HIPK2: variants seen among roughly 807,000 people sequenced by gnomAD.
HIPK2 encodes the protein homeodomain interacting protein kinase 2.
In HIPK2, 27 loss-of-function variants were observed where a neutral mutation model predicts 113.7. The ratio of observed to expected loss-of-function variants is 0.24; its 90% CI spans 0.17 to 0.33. The LOEUF is 0.33. HIPK2 is among the 10% of genes least tolerant of loss of function. HIPK2 has a pLI of 1.00. For missense variants in HIPK2, 1,257 were observed against 1,588.0 expected, an observed-to-expected ratio of 0.79 and a Z score of 3.54; for synonymous variants, 631 against 642.2, an observed-to-expected ratio of 0.98 and a Z score of 0.26.
At chr7:139,651,398 C>T (rs777578406) in intron 2 of HIPK2, among the ~76,000 whole-genome samples, 5 of 152,212 alleles carry the variant, frequency 3.3e-5, no homozygotes, top group Non-Finnish European at 5.9e-5. Context: ...ATTTAGAACT[C>T]AGGTGATATT....
In HIPK2 at chr7:139,563,018, A is replaced by C. The variant is rs970562826; in HGVS notation, c.*9909T>G. 6.6e-6 allele frequency: 1 copy of C among 152,170 alleles called. No homozygotes were observed. The highest frequency in any genetic ancestry group is 2.4e-5 in the African/African-American group (1 of 41,398). 9.4% of individuals were successfully genotyped at this position (152,170 alleles called of 1,614,324 possible). On this transcript the variant is annotated 3_prime_UTR_variant, in exon 15 of 15. Coordinates refer to ENST00000406875, the MANE Select transcript of HIPK2 (RefSeq NM_022740.5). ...GGGGCTAGAGATGACTGTGCCCTGG[A>C]AAGTCCATGGAAGAAGCTTGAAGTG...
intron 2 of HIPK2, among the ~76,000 whole-genome samples, chr7:139,707,826 C>A (rs1569478250): frequency 6.6e-6 from 1 of 152,168 alleles, no homozygotes; most frequent in Non-Finnish European, 1.5e-5. Context: ...AGTGCGCTAT[C>A]CATCGTAAGT....
chr7:139,603,208 G>A (rs1003797929), intron 10 of HIPK2, among the ~76,000 whole-genome samples: 4 of 152,130 alleles, frequency 2.6e-5, no homozygotes, highest in African/African-American at 7.2e-5. Context: ...GGTTCCCTGT[G>A]TGATATGGAG....
chr7:139,655,945 C>G (rs376262210), intron 2 of HIPK2, among the ~76,000 whole-genome samples: 1 of 152,160 alleles, frequency 6.6e-6, no homozygotes, highest in East Asian at 1.9e-4. Context: ...CACCAAGCTG[C>G]TTTTGGGACT....
intron 2 of HIPK2, among the ~76,000 whole-genome samples, chr7:139,659,870 G>A (rs1801807625): frequency 1.3e-5 from 2 of 152,172 alleles, no homozygotes; most frequent in Admixed American, 1.3e-4. Flanking sequence ...CAGGCATATA[G>A]CTAATCTTTA....
intron 1 of HIPK2, among the ~76,000 whole-genome samples, chr7:139,738,512 T>G (rs1585441876): frequency 1.3e-5 from 2 of 152,248 alleles, no homozygotes; most frequent in Non-Finnish European, 2.9e-5. Flanking sequence ...TTCTGGATGG[T>G]GCCGGAATAA....
intron 1 of HIPK2, among the ~76,000 whole-genome samples, chr7:139,729,403 A>G (rs1333611368): frequency 6.7e-6 from 1 of 150,102 alleles, no homozygotes; most frequent in Non-Finnish European, 1.5e-5. Context: ...TGGCTTATTA[A>G]TAACACAAAA....
chr7:139,653,453 C>T (rs1235037487), intron 2 of HIPK2, among the ~76,000 whole-genome samples: 1 of 150,798 alleles, frequency 6.6e-6, no homozygotes, highest in Admixed American at 6.7e-5. Flanking sequence ...AATCACACCT[C>T]CCACACCGCC....
chr7:139,672,120 G>C (rs191920945), intron 2 of HIPK2, among the ~76,000 whole-genome samples: 2 of 152,088 alleles, frequency 1.3e-5, no homozygotes, highest in African/African-American at 4.8e-5. Flanking sequence ...TGACCACAGT[G>C]TATGCTGAAC....
chr7:139,655,976 T>A (rs898976861), intron 2 of HIPK2, among the ~76,000 whole-genome samples: 1 of 152,206 alleles, frequency 6.6e-6, no homozygotes, highest in Non-Finnish European at 1.5e-5. Context: ...CCCTTGGTTC[T>A]CATCCTCAGC....
intron 1 of HIPK2, among the ~76,000 whole-genome samples, chr7:139,753,021 T>C (rs1796305680): frequency 6.6e-6 from 1 of 152,202 alleles, no homozygotes. Flanking sequence ...TAGGTAGGCT[T>C]GGGCAAGCAC....
chr7:139,652,233 T>C (rs1801489070), intron 2 of HIPK2, among the ~76,000 whole-genome samples: 1 of 152,176 alleles, frequency 6.6e-6, no homozygotes, highest in Non-Finnish European at 1.5e-5. Flanking sequence ...AGAATATCCT[T>C]CCTAGGTGGG....
Position 139,668,158 on chromosome 7 carries a change from A to G in HIPK2, c.1104-36433T>C, listed in dbSNP as rs370935564. 1.9e-4 allele frequency among the ~76,000 whole-genome samples: 29 copies of G among 151,590 alleles called. No individual in the cohort carries two copies. The South Asian group carries it at 5.8e-3, about 31-fold the overall frequency. On this transcript the variant is annotated intron_variant, in intron 2 of 14. Coordinates refer to ENST00000406875, the MANE Select transcript of HIPK2 (RefSeq NM_022740.5). ...AAAAAAAAAAAGCAAGCAAGCAAGCAGTTACCTGCATATGATATGCAACTA... is the reference window on the plus strand; with the variant it reads ...AAAAAAAAAAAGCAAGCAAGCAAGCGGTTACCTGCATATGATATGCAACTA...
intron 7 of HIPK2, among the ~76,000 whole-genome samples, chr7:139,618,672 G>A (rs1250170936): frequency 3.3e-5 from 5 of 152,192 alleles, no homozygotes; most frequent in African/African-American, 4.8e-5. Context: ...CCCACCCCGC[G>A]TCTGGTCAGG....
At chr7:139,604,540 G>A (rs1354196488) in intron 9 of HIPK2, among the ~76,000 whole-genome samples, 1 of 151,928 alleles carries the variant, frequency 6.6e-6, no homozygotes, top group Non-Finnish European at 1.5e-5. Context: ...AATTAGCTGG[G>A]CGTGGTAGCG....
intron 1 of HIPK2, among the ~76,000 whole-genome samples, chr7:139,775,123 T>A (rs1023615671): frequency 6.6e-6 from 1 of 152,158 alleles, no homozygotes; most frequent in Non-Finnish European, 1.5e-5. Context: ...CTGAGAAGAA[T>A]CATGCACACT....
intron 1 of HIPK2, among the ~76,000 whole-genome samples, chr7:139,725,250 C>A (rs953428814): frequency 2.0e-5 from 3 of 152,168 alleles, no homozygotes; most frequent in Non-Finnish European, 4.4e-5. Flanking sequence ...AGTTTAGAGG[C>A]AGGAGTCACT....
Position 139,714,647 on chromosome 7 carries a change from A to G in HIPK2, c.1103+1285T>C, listed in dbSNP as rs1448430008. Reference sequence around the variant, plus strand: ...GGGCAAGCGAGCGTGCTTGCTTGCAAGCAGGATGGCCTCCGGGGACCCCGG... The same window carrying G: ...GGGCAAGCGAGCGTGCTTGCTTGCAGGCAGGATGGCCTCCGGGGACCCCGG... On this transcript the variant is annotated intron_variant, in intron 2 of 14. Coordinates refer to ENST00000406875, the MANE Select transcript of HIPK2 (RefSeq NM_022740.5). This position sits in a 1 kb window ranked among gnomAD's most constrained non-coding sequence, Gnocchi z 4.2. 6.6e-6 allele frequency among the ~76,000 whole-genome samples: 1 copy of G among 152,208 alleles called. No individual in the cohort carries two copies.
intron 1 of HIPK2, among the ~76,000 whole-genome samples, chr7:139,732,955 G>T (rs1221786849): frequency 6.6e-6 from 1 of 151,738 alleles, no homozygotes; most frequent in Non-Finnish European, 1.5e-5. Context: ...GGATCATGCG[G>T]GTGGTTTCTC....
Sources: allele counts gnomAD v4.1 joint callset (sites outside exome capture counted in the v4.1 genomes callset), GRCh38; gene constraint gnomAD v4.1.1; non-coding constraint Gnocchi (gnomAD v3.1); transcripts MANE v1.5; gene names NCBI Gene and HGNC (gene_info 2026-07-23, HGNC 2026-07-21).